The following RANBP17 variants were observed in gnomAD, a reference collection of about 807,000 sequenced individuals.
RANBP17 encodes ran-binding protein 17.
A neutral mutation model predicts 141.2 loss-of-function variants in RANBP17; 158 were observed. The ratio of observed to expected loss-of-function variants is 1.12; its 90% CI spans 0.98 to 1.28. RANBP17 has a LOEUF of 1.28. RANBP17 is among the 50% of genes most tolerant of loss of function. The pLI is 0.00. For synonymous variants in RANBP17, 430 were observed against 450.0 expected, an observed-to-expected ratio of 0.96 and a Z score of 0.56; for missense variants, 1,438 against 1,290.7, an observed-to-expected ratio of 1.11 and a Z score of -1.75.
intron 14 of RANBP17, among the ~76,000 whole-genome samples, chr5:171,061,681 G>A (rs1010150696): frequency 1.1e-4 from 16 of 152,220 alleles, no homozygotes; most frequent in East Asian, 9.6e-4. Flanking sequence ...TATTAGGTCC[G>A]CTTGGTGCAG....
At chr5:171,193,689 G>A (rs1761796757) in intron 18 of RANBP17, among the ~76,000 whole-genome samples, 1 of 152,112 alleles carries the variant, frequency 6.6e-6, no homozygotes, top group African/African-American at 2.4e-5. Context: ...TTGGCTCATG[G>A]CCTCCCTTTC....
intron 14 of RANBP17, among the ~76,000 whole-genome samples, chr5:171,089,652 A>C (rs1290329195): frequency 6.6e-6 from 1 of 152,098 alleles, no homozygotes; most frequent in Non-Finnish European, 1.5e-5. Flanking sequence ...TGTGGGATAT[A>C]ATCTCGTGGT....
intron 14 of RANBP17, among the ~76,000 whole-genome samples, chr5:171,151,330 G>A (rs2127832801): frequency 6.6e-6 from 1 of 152,142 alleles, no homozygotes; most frequent in Admixed American, 6.5e-5. Context: ...TTAAACACTT[G>A]AAAGGCAAGA....
chr5:170,908,271 G>GT (rs1192820483), intron 5 of RANBP17, among the ~76,000 whole-genome samples: 3 of 151,878 alleles, frequency 2.0e-5, no homozygotes, highest in African/African-American at 7.3e-5. Flanking sequence ...ATCAGCCTTG[G>GT]TACCCATTGA....
In RANBP17 at chr5:171,019,696, T is replaced by C. The variant is rs531178370; in HGVS notation, c.1710+51319T>C. Among the ~76,000 whole-genome samples, 10 of 152,226 alleles carry C rather than the reference T, an allele frequency of 6.6e-5. No homozygotes were observed. In the South Asian group the frequency reaches 2.1e-3, roughly 32 times the overall value. Reference sequence around the variant, plus strand: ...AGAGGCATATCTATTTTGTTAATTTTTTTTTTTAAACCAGGTCCTGGATTC... The same window carrying C: ...AGAGGCATATCTATTTTGTTAATTTCTTTTTTTAAACCAGGTCCTGGATTC... On this transcript the variant is annotated intron_variant, in intron 14 of 27. Transcript: ENST00000523189.
intron 14 of RANBP17, among the ~76,000 whole-genome samples, chr5:171,046,317 T>C (rs1782584726): frequency 6.6e-6 from 1 of 151,334 alleles, no homozygotes; most frequent in Non-Finnish European, 1.5e-5. Context: ...CAAGCGATTC[T>C]CCTGCCTCAG....
intron 14 of RANBP17, among the ~76,000 whole-genome samples, chr5:170,984,972 C>T (rs1027031051): frequency 1.3e-5 from 2 of 151,882 alleles, no homozygotes; most frequent in African/African-American, 4.8e-5. Context: ...AATACAGACA[C>T]ACACACAAAG....
rs142780103 is a variant in RANBP17 at position 170,953,651 on chromosome 5, C to T, written c.1523C>T (p.Thr508Ile). ...LVGTVVGGRL[T>I]YTSTDEHDAM... ...GGGACAGTTGTAGGAGGAAGATTAACATATACCAGTACAGATGAGCATGAT... is the reference window on the plus strand; with the variant it reads ...GGGACAGTTGTAGGAGGAAGATTAATATATACCAGTACAGATGAGCATGAT... The change falls in exon 13 of 28, where the codon ACA (threonine) becomes ATA (isoleucine). Residue 508 changes from threonine (T) to isoleucine (I), a missense_variant. Physicochemically the swap from Thr to Ile is moderately conservative, Grantham distance 89. Coordinates refer to ENST00000523189, the MANE Select transcript of RANBP17 (RefSeq NM_022897.5). 1,574 of 1,611,810 alleles carry T rather than the reference C, an allele frequency of 9.8e-4. 11 individuals carry two copies. The African/African-American group carries it at 0.015, about 15-fold the overall frequency.
chr5:170,960,421 A>T (rs551567732), intron 13 of RANBP17, among the ~76,000 whole-genome samples: 1 of 152,306 alleles, frequency 6.6e-6, no homozygotes, highest in Non-Finnish European at 1.5e-5. Flanking sequence ...AATTAAACTC[A>T]TCTTTTCCAT....
intron 14 of RANBP17, among the ~76,000 whole-genome samples, chr5:171,090,903 A>G (rs964337641): frequency 6.6e-6 from 1 of 152,216 alleles, no homozygotes; most frequent in Non-Finnish European, 1.5e-5. Flanking sequence ...ATGTACGGAA[A>G]CATCTGGATG....
intron 14 of RANBP17, among the ~76,000 whole-genome samples, chr5:171,099,642 GAGT>G (rs1453712347): frequency 3.9e-5 from 6 of 152,318 alleles, no homozygotes; most frequent in African/African-American, 1.4e-4. Context: ...ACACTGTGTT[GAGT>G]AGGAGTGGTG....
chr5:171,213,458 A>G (rs4868073), intron 20 of RANBP17, among the ~76,000 whole-genome samples, 173 bp from the exon 21 acceptor site: 87,458 of 151,998 alleles, frequency 0.58, 26,241 homozygotes, highest in South Asian at 0.76. Context: ...ATATCTGTGC[A>G]GGTTAGGGAG....
chr5:170,938,613 A>G (rs1774076363), intron 12 of RANBP17, among the ~76,000 whole-genome samples: 1 of 152,214 alleles, frequency 6.6e-6, no homozygotes, highest in Non-Finnish European at 1.5e-5. Context: ...AGTGTGAAAA[A>G]CAACCAGGAG....
chr5:171,079,755 G>A (rs980520554), intron 14 of RANBP17, among the ~76,000 whole-genome samples: 3 of 152,162 alleles, frequency 2.0e-5, no homozygotes, highest in African/African-American at 7.2e-5. Context: ...GATTGCACAG[G>A]TAATAGACTA....
chr5:171,115,739 G>A (rs928620039), intron 14 of RANBP17, among the ~76,000 whole-genome samples: 6 of 152,164 alleles, frequency 3.9e-5, no homozygotes, highest in Non-Finnish European at 5.9e-5. Flanking sequence ...TGGGACTCCC[G>A]TGTGGTAAAT....
chr5:170,948,218 A>G (rs1282943287), intron 12 of RANBP17, among the ~76,000 whole-genome samples: 1 of 152,168 alleles, frequency 6.6e-6, no homozygotes, highest in Non-Finnish European at 1.5e-5. Flanking sequence ...ATATCATAGC[A>G]AAAGAGGAGC....
chr5:171,288,528 C>G (rs149018487), intron 25 of RANBP17, among the ~76,000 whole-genome samples: 13 of 152,374 alleles, frequency 8.5e-5, no homozygotes, highest in Admixed American at 3.9e-4. Flanking sequence ...TGGACTTAGG[C>G]AGACCTATGC....
At chr5:170,955,499 A>G (rs1426742600) in intron 13 of RANBP17, among the ~76,000 whole-genome samples, 9 of 140,042 alleles carry the variant, frequency 6.4e-5, no homozygotes, top group Non-Finnish European at 1.1e-4. Context: ...CAGTGTGTAT[A>G]TATATATATG....
At chr5:171,159,717 C>T (rs1409474065) in intron 14 of RANBP17, among the ~76,000 whole-genome samples, 2 of 151,780 alleles carry the variant, frequency 1.3e-5, no homozygotes, top group Non-Finnish European at 2.9e-5. Flanking sequence ...GTCAGGAGAT[C>T]AAGACCATCC....
Sources: gnomAD v4.1 joint callset for allele counts (sites outside exome capture counted in the v4.1 genomes callset) on GRCh38, gnomAD v4.1.1 for gene constraint, MANE v1.5 for transcripts, NCBI Gene and HGNC (gene_info 2026-07-23, HGNC 2026-07-21) for gene names.